Variants in ANO1 observed in about 807,000 individuals in gnomAD.
ANO1 encodes anoctamin-1.
ANO1 carries 59 observed loss-of-function variants against 124.0 expected under a neutral mutation model. That is an observed-to-expected ratio of 0.48 (90% CI 0.39 to 0.59). The LOEUF (loss-of-function observed/expected upper bound fraction) is 0.59, where lower values mean the gene tolerates loss of function less well. Among genes scored for constraint, ANO1 ranks in the 20% least tolerant of loss-of-function variants. The pLI is 0.00. For missense variants in ANO1, 1,059 were observed against 1,328.0 expected, an observed-to-expected ratio of 0.80 and a Z score of 3.15; for synonymous variants, 529 against 532.0, an observed-to-expected ratio of 0.99 and a Z score of 0.08.
intron 10 of ANO1, among the ~76,000 whole-genome samples, chr11:70,130,771 G>GC (rs1363598027): frequency 3.3e-5 from 5 of 152,200 alleles, no homozygotes; most frequent in African/African-American, 9.6e-5. Context: ...TCCCTGGCAG[G>GC]CCCCCCCGGC....
At chr11:70,073,228 G>C (rs770702818) in intron 1 of ANO1, among the ~76,000 whole-genome samples, 1 of 151,844 alleles carries the variant, frequency 6.6e-6, no homozygotes, top group Admixed American at 6.6e-5. Context: ...TGTCCCCCTC[G>C]GCAGGGTTTC....
At chr11:70,002,411 C>T (rs1554999426) in intron 1 of ANO1, among the ~76,000 whole-genome samples, 1 of 147,612 alleles carries the variant, frequency 6.8e-6, no homozygotes, top group East Asian at 2.0e-4. Flanking sequence ...TTGCAGTGAG[C>T]CGAGATAGAG....
chr11:70,119,045 A>G (rs1216797735), intron 8 of ANO1, among the ~76,000 whole-genome samples: 6 of 143,032 alleles, frequency 4.2e-5, no homozygotes, highest in African/African-American at 1.6e-4. Flanking sequence ...AGGATGAATG[A>G]TGGATGATGG....
chr11:70,168,426 T>G (rs112130213), intron 21 of ANO1, among the ~76,000 whole-genome samples: 18,113 of 148,416 alleles, frequency 0.12, 1,174 homozygotes, highest in Middle Eastern at 0.16. Flanking sequence ...CCCCCACCCC[T>G]CCTCTGCTTG....
chr11:70,101,585 C>CAAAAAAAA lies in ANO1; in HGVS notation c.442-1466_442-1459dup, dbSNP rs71463659. 3.0e-3 allele frequency among the ~76,000 whole-genome samples: 230 copies of CAAAAAAAA among 75,862 alleles called. 7 individuals carry two copies. Among genetic ancestry groups the CAAAAAAAA allele is most frequent in the African/African-American group, 0.012 (218 of 18,058 alleles). The allele number at this position is 75,862 out of a possible 152,430, so 49.8% of individuals were successfully genotyped here. ...AAAGAACAAAAAAATGATTAAAAAC[C>CAAAAAAAA]AAAAAAAAAAAAAAAAAAAAAACTC... On this transcript the variant is annotated intron_variant, in intron 2 of 25. Transcript: ENST00000355303.
chr11:70,025,565 G>A (rs1484666561), intron 1 of ANO1, among the ~76,000 whole-genome samples: 1 of 151,892 alleles, frequency 6.6e-6, no homozygotes, highest in African/African-American at 2.4e-5. Context: ...TGACAATGAT[G>A]ATGATGATGA....
At chr11:70,153,219 T>C in intron 14 of ANO1, 91 bp downstream of exon 14, 1 of 1,209,538 alleles carries the variant, frequency 8.3e-7, no homozygotes, top group Non-Finnish European at 1.2e-6. Context: ...AGAACAAATA[T>C]TGTAGGCTGT....
chr11:69,990,783 T>A (rs1554997377), intron 1 of ANO1, among the ~76,000 whole-genome samples: 1 of 152,252 alleles, frequency 6.6e-6, no homozygotes, highest in South Asian at 2.1e-4. Context: ...AAATATCTAC[T>A]CAATTCCTTT....
In ANO1 at chr11:70,124,407, C is replaced by T; in HGVS notation, c.955C>T (p.Leu319=). ...TTTCTATAAGTACCAGCCCATCGAC[C>T]TGGTCAGGTAAGAACGCGCCACAGC... ...GVFYKYQPID[L]VRKYFGEKIG... is the part of the protein sequence containing the mutation. Residue 319 remains leucine (L), a synonymous_variant, in exon 9 of 26, where the codon CTG becomes TTG. Transcript: ENST00000355303. 6 of 1,613,770 alleles carry T rather than the reference C, an allele frequency of 3.7e-6. No individual in the cohort carries two copies. Among genetic ancestry groups the T allele is most frequent in the Non-Finnish European group, 5.1e-6 (6 of 1,179,870 alleles).
At chr11:70,129,014 G>A (rs958902635) in intron 10 of ANO1, among the ~76,000 whole-genome samples, 2 of 152,182 alleles carry the variant, frequency 1.3e-5, no homozygotes, top group Admixed American at 6.5e-5. Context: ...TGGCGATGAT[G>A]GGGATGGCCT....
At chr11:70,128,889 A>G (rs2046631065) in intron 10 of ANO1, among the ~76,000 whole-genome samples, 1 of 152,240 alleles carries the variant, frequency 6.6e-6, no homozygotes. Flanking sequence ...GGAGAGCGGT[A>G]GGGCTCATGG....
chr11:70,076,847 C>A (rs1021701649), upstream of ANO1, among the ~76,000 whole-genome samples: 11 of 152,218 alleles, frequency 7.2e-5, no homozygotes, highest in South Asian at 8.3e-4. Flanking sequence ...CTCACTGAGG[C>A]ACCAGGAAAG....
Position 70,031,012 on chromosome 11 carries a change from T to G in ANO1, c.58+44846T>G, listed in dbSNP as rs1044802392. 3.3e-5 allele frequency among the ~76,000 whole-genome samples: 5 copies of G among 152,130 alleles called. No homozygotes were observed. In the East Asian group the frequency reaches 9.7e-4, roughly 29 times the overall value. ...CAGGCTGGAGTGCAGTGGCACAATC[T>G]CAGCTCACTGCAACCTCTGCCTCCT... is the stretch of plus-strand genomic sequence containing the variant. On this transcript the variant is annotated intron_variant, in intron 1 of 27. Coordinates refer to the ANO1 transcript ENST00000531349.
intron 16 of ANO1, among the ~76,000 whole-genome samples, chr11:70,160,359 G>T (rs770213374): frequency 1.3e-5 from 2 of 152,044 alleles, no homozygotes; most frequent in Non-Finnish European, 2.9e-5. Context: ...TGGGCAGGGC[G>T]GGGCAGGGCA....
At chr11:70,056,933 A>T (rs1428315547) in intron 1 of ANO1, among the ~76,000 whole-genome samples, 1 of 150,102 alleles carries the variant, frequency 6.7e-6, no homozygotes, top group African/African-American at 2.5e-5. Context: ...AGTTATACCT[A>T]CCTTTTGAAT....
At chr11:70,098,369 A>G (rs985127783) in intron 2 of ANO1, among the ~76,000 whole-genome samples, 1 of 152,154 alleles carries the variant, frequency 6.6e-6, no homozygotes, top group African/African-American at 2.4e-5. Context: ...TGCACAGCAC[A>G]CACCCATGGT....
At chr11:70,132,924 A>C (rs1306477507) in intron 11 of ANO1, among the ~76,000 whole-genome samples, 1 of 148,232 alleles carries the variant, frequency 6.7e-6, no homozygotes, top group Non-Finnish European at 1.5e-5. Context: ...GGGGCCAGGC[A>C]CAGAGACAGC....
intron 1 of ANO1, among the ~76,000 whole-genome samples, chr11:70,034,001 C>T (rs1555004108): frequency 6.6e-6 from 1 of 152,044 alleles, no homozygotes; most frequent in African/African-American, 2.4e-5. Flanking sequence ...CTCCGTACAT[C>T]TGTGAGTTCC....
intron 6 of ANO1, among the ~76,000 whole-genome samples, chr11:70,109,256 G>T (rs1344640599): frequency 6.6e-6 from 1 of 152,186 alleles, no homozygotes; most frequent in Non-Finnish European, 1.5e-5. Context: ...GCTTCCCGTG[G>T]TGGCAGGAAT....
Sources: gnomAD v4.1 joint callset for allele counts (sites outside exome capture counted in the v4.1 genomes callset) on GRCh38, gnomAD v4.1.1 for gene constraint, MANE v1.5 for transcripts, NCBI Gene and HGNC (gene_info 2026-07-23, HGNC 2026-07-21) for gene names.